The following SDK2 variants were observed in gnomAD, a reference collection of about 807,000 sequenced individuals.
SDK2 encodes protein sidekick-2.
Under a neutral mutation model 253.9 loss-of-function variants are expected in SDK2, and 105 were observed. That is an observed-to-expected ratio of 0.41 (90% CI 0.35 to 0.49). The LOEUF is 0.49. Among genes scored for constraint, SDK2 ranks in the 20% least tolerant of loss-of-function variants. SDK2 has a pLI of 0.06. For synonymous variants in SDK2, 1,249 were observed against 1,234.9 expected (o/e 1.01, Z -0.24); for missense variants, 2,608 against 3,003.0 (o/e 0.87, Z 3.07).
chr17:73,483,479 T>TTG (rs146198916), intron 2 of SDK2, among the ~76,000 whole-genome samples: 2,921 of 127,622 alleles, frequency 0.023, 72 homozygotes, highest in African/African-American at 0.062. Context: ...TGGCTAATCT[T>TTG]TGTGTGTGTG....
At chr17:73,384,119 AC>A in intron 32 of SDK2, 108 bp from the exon 33 acceptor site, 1 of 1,267,812 alleles carries the variant, frequency 7.9e-7, no homozygotes, top group Non-Finnish European at 1.1e-6. Context: ...CTATGTTTTA[AC>A]CAGGAAAAGA....
At chr17:73,477,790 C>T (rs2063696487) in intron 2 of SDK2, among the ~76,000 whole-genome samples, 1 of 152,128 alleles carries the variant, frequency 6.6e-6, no homozygotes, top group African/African-American at 2.4e-5. Context: ...CAGTCACCTC[C>T]ATGTGCCTCC....
intron 1 of SDK2, among the ~76,000 whole-genome samples, chr17:73,574,594 G>T (rs930426822): frequency 1.3e-5 from 2 of 152,126 alleles, no homozygotes; most frequent in Non-Finnish European, 2.9e-5. Flanking sequence ...TCCCCACCAG[G>T]CTCAGCTATC....
At chr17:73,587,497 C>A (rs2045618254) in intron 1 of SDK2, among the ~76,000 whole-genome samples, 1 of 152,256 alleles carries the variant, frequency 6.6e-6, no homozygotes, top group Admixed American at 6.5e-5. Flanking sequence ...TTCCCTTTGG[C>A]CGCAGGGTGG....
At chr17:73,622,916 G>A (rs1008266156) in intron 1 of SDK2, among the ~76,000 whole-genome samples, 10 of 152,186 alleles carry the variant, frequency 6.6e-5, no homozygotes, top group African/African-American at 2.2e-4. Flanking sequence ...GAGAGGTAGC[G>A]GGGGCCCAGC....
Position 73,509,902 on chromosome 17 carries a change from C to CAAAAAAAAAAAAA in SDK2, c.65-2318_65-2306dup, listed in dbSNP as rs71157018. ...GCAACAGAGCAAGACTCCATCTCTA[C>CAAAAAAAAAAAAA]AAAAAAAAAAAAAAAAAAAAGAAGG... is the stretch of plus-strand genomic sequence containing the variant. On this transcript the variant is annotated intron_variant, in intron 1 of 44. Transcript: ENST00000392650. Among the ~76,000 whole-genome samples, 32 of 25,384 alleles carry CAAAAAAAAAAAAA rather than the reference C, an allele frequency of 1.3e-3. 2 individuals carry two copies. Among genetic ancestry groups the CAAAAAAAAAAAAA allele is most frequent in the East Asian group, 6.3e-3 (5 of 792 alleles). The allele number at this position is 25,384 out of a possible 152,430, so 16.7% of individuals were successfully genotyped here.
At chr17:73,411,077 C>A (rs183504111) in intron 18 of SDK2, among the ~76,000 whole-genome samples, 168 of 152,310 alleles carry the variant, frequency 1.1e-3, no homozygotes, top group Non-Finnish European at 1.8e-3. Flanking sequence ...TGCCTCCCCC[C>A]AGGGTCCCAA....
In SDK2 at chr17:73,426,432, T is replaced by C. The variant is rs141755052; in HGVS notation, c.1584-2340A>G. Among the ~76,000 whole-genome samples, 380 of 152,188 alleles carry C rather than the reference T, an allele frequency of 2.5e-3. 15 individuals are homozygous for C. The East Asian group carries it at 0.067, about 27-fold the overall frequency. On this transcript the variant is annotated intron_variant, in intron 12 of 44. Transcript: ENST00000392650. ...ATATCATAAACTCTTTTTGATGTGA[T>C]ATTTCCACACCATGATTTTTTATTG...
Position 73,455,601 on chromosome 17 carries a change from C to T in SDK2, c.479+305G>A, listed in dbSNP as rs992398793. Among the ~76,000 whole-genome samples the T allele has an allele frequency of 1.3e-5, 2 of 152,310 alleles. No individual in the cohort carries two copies. The highest frequency in any genetic ancestry group is 1.9e-4 in the East Asian group (1 of 5,176). ...CCTGTAACCACGGTGACAGCGCCTT[C>T]GTATATGCCTGTTTGGGTTTTTTAA... On this transcript the variant is annotated intron_variant, in intron 4 of 44. Coordinates refer to ENST00000392650, the MANE Select transcript of SDK2 (RefSeq NM_001144952.2). This position sits in a 1 kb window ranked among gnomAD's most constrained non-coding sequence, Gnocchi z 5.0.
chr17:73,353,492 CT>C (rs2062557457), intron 40 of SDK2, among the ~76,000 whole-genome samples: 2 of 152,144 alleles, frequency 1.3e-5, no homozygotes, highest in African/African-American at 4.8e-5. Flanking sequence ...AGGATCTCGG[CT>C]CACAGCAACC....
At chr17:73,375,367 T>C (rs1313314382) in intron 36 of SDK2, among the ~76,000 whole-genome samples, 2 of 149,034 alleles carry the variant, frequency 1.3e-5, no homozygotes, top group Non-Finnish European at 3.0e-5. Flanking sequence ...TCCCACCCCG[T>C]TGGCTGGGAC....
At chr17:73,449,201 G>A (rs561926202) in intron 4 of SDK2, among the ~76,000 whole-genome samples, 31 of 152,262 alleles carry the variant, frequency 2.0e-4, no homozygotes, top group African/African-American at 6.7e-4. Context: ...AGCCAGAAGC[G>A]CCACCCACAC....
At chr17:73,512,288 C>T (rs1466217138) in intron 1 of SDK2, among the ~76,000 whole-genome samples, 1 of 152,084 alleles carries the variant, frequency 6.6e-6, no homozygotes, top group Non-Finnish European at 1.5e-5. Flanking sequence ...TGGCTATTAA[C>T]ACTATTGATC....
At chr17:73,528,596 A>G (rs2064144796) in intron 1 of SDK2, among the ~76,000 whole-genome samples, 1 of 152,174 alleles carries the variant, frequency 6.6e-6, no homozygotes, top group Non-Finnish European at 1.5e-5. Context: ...ACTAAGCCCC[A>G]GGTGAACAGC....
At chr17:73,631,006 G>A (rs1328106807) in intron 1 of SDK2, among the ~76,000 whole-genome samples, 9 of 152,126 alleles carry the variant, frequency 5.9e-5, no homozygotes, top group Admixed American at 5.9e-4. Flanking sequence ...TCTTCGTGGG[G>A]CTCTGGGACA....
rs574791410 is a variant in SDK2, at chr17:73,435,722, C to T, written c.1001-78G>A. The T allele has an allele frequency of 3.2e-5, 43 of 1,352,410 alleles. No individual in the cohort carries two copies. In the South Asian group the frequency reaches 5.4e-4, roughly 17 times the overall value. 83.8% of individuals were successfully genotyped at this position (1,352,410 alleles called of 1,614,324 possible). A position where few individuals can be genotyped will look rare whatever the true frequency, so the allele number is the denominator to read the frequency against. On this transcript the variant is annotated intron_variant, in intron 8 of 44. Transcript: ENST00000392650. The surrounding 1 kb of genome is among the most constrained non-coding windows in gnomAD (Gnocchi z 5.7). ...CTAGGAGGGGTGCTTGGGAGGAGGC[C>T]GGGCCCGGAAATCTGCGAGGGGGTC...
chr17:73,404,186 T>A (rs943284058), intron 18 of SDK2, among the ~76,000 whole-genome samples: 1 of 152,334 alleles, frequency 6.6e-6, no homozygotes, highest in African/African-American at 2.4e-5. Flanking sequence ...ATCCTACAGC[T>A]TGACGCCTGG....
intron 1 of SDK2, among the ~76,000 whole-genome samples, chr17:73,567,278 G>A (rs914445058): frequency 1.2e-4 from 19 of 152,262 alleles, no homozygotes; most frequent in African/African-American, 4.3e-4. Flanking sequence ...AGACTTGGCA[G>A]CTTCCACATG....
At chr17:73,423,112 A>G (rs2063247046) in intron 14 of SDK2, among the ~76,000 whole-genome samples, 1 of 152,188 alleles carries the variant, frequency 6.6e-6, no homozygotes, top group African/African-American at 2.4e-5. Flanking sequence ...AAATAAATAA[A>G]TAATAAATAA....
Sources: gnomAD v4.1 joint callset for allele counts (sites outside exome capture counted in the v4.1 genomes callset) on GRCh38, gnomAD v4.1.1 for gene constraint, Gnocchi (gnomAD v3.1) non-coding constraint, MANE v1.5 for transcripts, NCBI Gene and HGNC (gene_info 2026-07-23, HGNC 2026-07-21) for gene names.